LUZP4: variants seen among roughly 807,000 people sequenced by gnomAD.
LUZP4 encodes leucine zipper protein 4, also known as HOM-TES-85 tumor antigen.
LUZP4 carries 11 observed loss-of-function variants against 8.5 expected under a neutral mutation model. The ratio of observed to expected loss-of-function variants is 1.30; its 90% CI spans 0.82 to 2.14. LUZP4 has a LOEUF of 2.14. LUZP4 is among the 30% of genes most tolerant of loss of function. The pLI is 0.00. For synonymous variants in LUZP4, 104 were observed against 79.4 expected, an observed-to-expected ratio of 1.31 and a Z score of -1.65; for missense variants, 276 against 229.7, an observed-to-expected ratio of 1.20 and a Z score of -1.30.
chrX:115,292,669 G>A (rs1280313779), intron 1 of LUZP4, among the ~76,000 whole-genome samples: 1 of 110,069 alleles, frequency 9.1e-6, no homozygotes, highest in Admixed American at 9.9e-5. Flanking sequence ...AATTAGATGC[G>A]GTGAGATTGG....
intron 1 of LUZP4, among the ~76,000 whole-genome samples, chrX:115,290,786 GGT>G (rs782661212): frequency 2.8e-5 from 3 of 108,045 alleles, no homozygotes; most frequent in African/African-American, 6.7e-5. Context: ...TTTAGTTAGG[GGT>G]GTGTGTGTGT....
At chrX:115,300,469 C>A (rs1445755335) in intron 1 of LUZP4, among the ~76,000 whole-genome samples, 2 of 112,615 alleles carry the variant, frequency 1.8e-5, no homozygotes, top group African/African-American at 6.4e-5. Context: ...TCAAAACCGT[C>A]CTGGGCTGTG....
chrX:115,296,976 A>T (rs1556599287), intron 1 of LUZP4, among the ~76,000 whole-genome samples: 1 of 111,393 alleles, frequency 9.0e-6, no homozygotes, highest in African/African-American at 3.3e-5. Flanking sequence ...GGTATATAGT[A>T]GGTGTATATA....
chrX:115,296,105 T>TA (rs781798753), intron 1 of LUZP4, among the ~76,000 whole-genome samples: 109 of 112,247 alleles, frequency 9.7e-4, no homozygotes, highest in South Asian at 3.7e-4. Flanking sequence ...TTTAAATATT[T>TA]AAAAAATGGC....
Position 115,306,382 on chromosome X carries a change from G to C in LUZP4, c.520G>C (p.Asp174His), listed in dbSNP as rs782228842. 5.0e-6 allele frequency: 6 copies of C among 1,211,066 alleles called. No individual in the cohort carries two copies. In the East Asian group the frequency reaches 1.8e-4, roughly 36 times the overall value. ...NHLERSLSQS[D>H]RSQGQLKRHH... ...CTTAGAGAGATCTCTTTCTCAGTCA[G>C]ACAGATCTCAAGGGCAGCTAAAGAG... The change falls in exon 4 of 4, where the codon GAC becomes CAC. Residue 174 changes from aspartate (D) to histidine (H), a missense_variant. Coordinates refer to ENST00000371920, the MANE Select transcript of LUZP4 (RefSeq NM_016383.5).
Position 115,299,355 on chromosome X carries a change from A to AGCCG in LUZP4, c.92-2636_92-2635insCCGG, listed in dbSNP as rs782683553. 6.3e-5 allele frequency among the ~76,000 whole-genome samples: 7 copies of AGCCG among 110,950 alleles called. No homozygotes were observed. In the South Asian group the frequency reaches 2.8e-3, roughly 44 times the overall value. On this transcript the variant is annotated intron_variant, in intron 1 of 3. Coordinates refer to ENST00000371920, the MANE Select transcript of LUZP4 (RefSeq NM_016383.5). ...CAATCAGCCAGTAGCAAAACCAGCC[A>AGCCG]GGCCTGTGTCCTTTCCTTCACGGTG...
At chrX:115,300,037 C>G (rs782424771) in intron 1 of LUZP4, among the ~76,000 whole-genome samples, 306 of 110,969 alleles carry the variant, frequency 2.8e-3, no homozygotes, top group African/African-American at 9.7e-3. Flanking sequence ...GGTGCCCTAT[C>G]CTGCTGTGGC....
intron 1 of LUZP4, among the ~76,000 whole-genome samples, chrX:115,294,427 A>C (rs2073361755): frequency 9.0e-6 from 1 of 111,470 alleles, no homozygotes; most frequent in African/African-American, 3.3e-5. Flanking sequence ...GAATACAGGT[A>C]ATGTTCACAA....
intron 1 of LUZP4, among the ~76,000 whole-genome samples, chrX:115,301,235 TA>T (rs1336097354): frequency 8.9e-6 from 1 of 111,749 alleles, no homozygotes; most frequent in Non-Finnish European, 1.9e-5. Context: ...TGCTTATTTC[TA>T]AAGATGCCTT....
At chrX:115,301,491 C>T (rs2073397189) in intron 1 of LUZP4, among the ~76,000 whole-genome samples, 1 of 112,123 alleles carries the variant, frequency 8.9e-6, no homozygotes, top group Admixed American at 9.5e-5. Context: ...ACTTCCATCA[C>T]CACTTTCTTA....
At chrX:115,301,339 C>T (rs1441758530) in intron 1 of LUZP4, among the ~76,000 whole-genome samples, 2 of 111,613 alleles carry the variant, frequency 1.8e-5, no homozygotes, top group Admixed American at 1.9e-4. Flanking sequence ...GCAAGTTGTA[C>T]CTGTCTGCCA....
At chrX:115,299,204 C>T (rs781824110) in intron 1 of LUZP4, among the ~76,000 whole-genome samples, 2 of 111,487 alleles carry the variant, frequency 1.8e-5, no homozygotes, top group South Asian at 3.8e-4. Context: ...ACAAGCACCC[C>T]TGTGGCCGCC....
chrX:115,301,305 A>G (rs2073396326), intron 1 of LUZP4, among the ~76,000 whole-genome samples: 1 of 111,844 alleles, frequency 8.9e-6, no homozygotes, highest in Non-Finnish European at 1.9e-5. Context: ...CTTCCATTCT[A>G]AATGTTAGGA....
chrX:115,306,236 C>T lies in LUZP4; in HGVS notation c.374C>T (p.Ala125Val). The change falls in exon 4 of 4, where the codon GCA becomes GTA. Residue 125 changes from alanine (A) to valine (V), a missense_variant. Coordinates refer to ENST00000371920, the MANE Select transcript of LUZP4 (RefSeq NM_016383.5). Reference protein sequence around the residue: ...EKCSDNYEAQAEKNQGQSEGN... With the variant: ...EKCSDNYEAQVEKNQGQSEGN... ...TGCAGTGACAATTATGAGGCCCAAG[C>T]AGAGAAGAATCAAGGCCAGTCAGAG... The T allele has an allele frequency of 8.3e-7, 1 of 1,209,621 alleles. No individual in the cohort carries two copies. Among genetic ancestry groups the T allele is most frequent in the Non-Finnish European group, 1.1e-6 (1 of 894,150 alleles).
chrX:115,302,129 G>T lies in LUZP4; in HGVS notation c.223+6G>T. On this transcript the variant is annotated splice_donor_region_variant and intron_variant, in intron 2 of 3. Transcript: ENST00000371920. ...TAGACATCGCCATCGGAGAGGTAAAGTATGCTGAAAATAGTCACACGTGGT... is the reference window on the plus strand; with the variant it reads ...TAGACATCGCCATCGGAGAGGTAAATTATGCTGAAAATAGTCACACGTGGT... 1 of 1,172,086 alleles carries T rather than the reference G, an allele frequency of 8.5e-7. No individual in the cohort carries two copies.
Position 115,301,980 on chromosome X carries a change from T to C in LUZP4, c.92-12T>C, listed in dbSNP as rs781907898. 1 of 1,096,270 alleles carries C rather than the reference T, an allele frequency of 9.1e-7. No homozygotes were observed. Among genetic ancestry groups the C allele is most frequent in the Non-Finnish European group, 1.2e-6 (1 of 824,482 alleles). The allele number at this position is 1,096,270 out of a possible 1,213,427, so 90.3% of individuals were successfully genotyped here. On this transcript the variant is annotated splice_polypyrimidine_tract_variant and intron_variant, in intron 1 of 3. Coordinates refer to ENST00000371920, the MANE Select transcript of LUZP4 (RefSeq NM_016383.5). ...GCCATTTTATTCATTTTTTATGTAT[T>C]TTCTAATACAGACGACATTATAATC...
Position 115,304,948 on chromosome X carries a change from C to G in LUZP4, c.343-1257C>G, listed in dbSNP as rs146277857. Among the ~76,000 whole-genome samples, 358 of 112,162 alleles carry G rather than the reference C, an allele frequency of 3.2e-3. 2 individuals are homozygous for G. The highest frequency in any genetic ancestry group is 0.011 in the African/African-American group (349 of 30,985). ...AGATTTTGTCTTATTATCAGTGGAA[C>G]ACAGTTGTATTTGTTCACCCCATGT... On this transcript the variant is annotated intron_variant, in intron 3 of 3. Coordinates refer to ENST00000371920, the MANE Select transcript of LUZP4 (RefSeq NM_016383.5).
intron 1 of LUZP4, among the ~76,000 whole-genome samples, chrX:115,295,739 G>A (rs2073368205): frequency 1.8e-5 from 2 of 109,470 alleles, no homozygotes; most frequent in African/African-American, 6.6e-5. Flanking sequence ...AATTCGAACT[G>A]GTAACAGCAA....
chrX:115,297,563 C>T (rs927929724), intron 1 of LUZP4, among the ~76,000 whole-genome samples: 5 of 111,801 alleles, frequency 4.5e-5, no homozygotes, highest in Non-Finnish European at 9.4e-5. Flanking sequence ...TTCCCTTCAG[C>T]ACTTTATATC....
Sources: allele counts gnomAD v4.1 joint callset (sites outside exome capture counted in the v4.1 genomes callset), GRCh38; gene constraint gnomAD v4.1.1; transcripts MANE v1.5; gene names NCBI Gene and HGNC (gene_info 2026-07-23, HGNC 2026-07-21).